The following PCDHA11 variants were observed in gnomAD, a reference collection of about 807,000 sequenced individuals.
PCDHA11 encodes the protein protocadherin alpha-11.
PCDHA11 carries 61 observed loss-of-function variants against 70.3 expected under a neutral mutation model. The ratio of observed to expected loss-of-function variants is 0.87; its 90% CI spans 0.71 to 1.07. The LOEUF (loss-of-function observed/expected upper bound fraction) is 1.07. PCDHA11 is among the 50% of genes least tolerant of loss of function. The pLI is 0.00. For missense variants in PCDHA11, 1,324 were observed against 1,237.5 expected, an observed-to-expected ratio of 1.07 and a Z score of -1.05; for synonymous variants, 633 against 555.1, an observed-to-expected ratio of 1.14 and a Z score of -1.97.
chr5:140,963,365 T>C (rs2095759439), intron 1 of PCDHA11, among the ~76,000 whole-genome samples: 1 of 152,254 alleles, frequency 6.6e-6, no homozygotes. Flanking sequence ...CAAAGAACAT[T>C]AATTGAGCAC....
chr5:140,959,000 G>A (rs1239762631), intron 1 of PCDHA11, among the ~76,000 whole-genome samples: 1 of 151,884 alleles, frequency 6.6e-6, no homozygotes, highest in Admixed American at 6.6e-5. Flanking sequence ...ATCTTTTACT[G>A]TACCTAATTT....
At chr5:140,896,087 A>T (rs2065366348) in intron 1 of PCDHA11, among the ~76,000 whole-genome samples, 1 of 152,218 alleles carries the variant, frequency 6.6e-6, no homozygotes, top group East Asian at 1.9e-4. Flanking sequence ...CTGGGATTAC[A>T]GGCGTGAGCC....
chr5:140,926,857 T>C (rs782114974), intron 1 of PCDHA11: 12 of 1,520,736 alleles, frequency 7.9e-6, no homozygotes, highest in Admixed American at 2.2e-5. Context: ...ACCGTTGGTG[T>C]AGCGTGTTGG....
chr5:140,928,234 C>T lies in PCDHA11; in HGVS notation c.2392-50715C>T, dbSNP rs1319421246. The T allele has an allele frequency of 4.3e-6, 7 of 1,614,096 alleles. No homozygotes were observed. In the African/African-American group the frequency reaches 8.0e-5, roughly 18 times the overall value. On this transcript the variant is annotated intron_variant, in intron 1 of 3. Transcript: ENST00000398640. ...TGACAATACACCAAACTTTCCTCAA[C>T]CCCAGCAGGAACTTTTCGTTGCTGA...
intron 1 of PCDHA11, chr5:140,884,080 T>C (rs2059984285): frequency 6.2e-7 from 1 of 1,613,538 alleles, no homozygotes; most frequent in Non-Finnish European, 8.5e-7. Flanking sequence ...CGGGCTACAA[T>C]GCGTGGCTTT....
chr5:140,917,331 G>T (rs1256665914), intron 1 of PCDHA11, among the ~76,000 whole-genome samples: 12 of 137,574 alleles, frequency 8.7e-5, no homozygotes, highest in African/African-American at 3.0e-4. Context: ...TGGCGGGGGA[G>T]GGGGGGGATG....
chr5:140,966,651 C>A, intron 1 of PCDHA11: 1 of 1,159,980 alleles, frequency 8.6e-7, no homozygotes, highest in Non-Finnish European at 1.1e-6. Flanking sequence ...AGAGCGTGAG[C>A]GGTGGGGGAG....
chr5:140,957,591 C>T (rs1554223040), intron 1 of PCDHA11, among the ~76,000 whole-genome samples: 1 of 151,946 alleles, frequency 6.6e-6, no homozygotes, highest in African/African-American at 2.4e-5. Flanking sequence ...CAAAGCACTT[C>T]CCAGAATAAA....
At chr5:140,962,817 G>C (rs555403742) in intron 1 of PCDHA11, among the ~76,000 whole-genome samples, 1 of 152,202 alleles carries the variant, frequency 6.6e-6, no homozygotes, top group Non-Finnish European at 1.5e-5. Flanking sequence ...CATCAGAGAT[G>C]ACCATTTGTC....
chr5:140,941,228 T>TTTCTTTCTTTCTTTCTTTC (rs2092920819), intron 1 of PCDHA11, among the ~76,000 whole-genome samples: 1 of 139,066 alleles, frequency 7.2e-6, no homozygotes, highest in Admixed American at 7.4e-5. Flanking sequence ...TCTTTCTTTC[T>TTTCTTTCTTTCTTTCTTTC]TTCTTTCTTT....
At chr5:140,878,725 A>G (rs1230048195) in intron 1 of PCDHA11, among the ~76,000 whole-genome samples, 1 of 152,252 alleles carries the variant, frequency 6.6e-6, no homozygotes, top group African/African-American at 2.4e-5. Flanking sequence ...TAAAATTTCC[A>G]GCCTTATATC....
chr5:140,901,177 G>T (rs2068485979), intron 1 of PCDHA11, among the ~76,000 whole-genome samples: 1 of 152,034 alleles, frequency 6.6e-6, no homozygotes, highest in African/African-American at 2.4e-5. Flanking sequence ...TCACTTTGTT[G>T]ATTGTTTGCT....
chr5:141,009,941 C>T lies in PCDHA11; in HGVS notation c.*4C>T, dbSNP rs976573218. On this transcript the variant is annotated 3_prime_UTR_variant, in exon 4 of 4. Coordinates refer to ENST00000398640, the MANE Select transcript of PCDHA11 (RefSeq NM_018902.5). ...GACTGACAACAGTGACCAGTGAGGT[C>T]CTCAAATGGAAACAAGCCACTTAGC... is the stretch of plus-strand genomic sequence containing the variant. 6.3e-7 allele frequency: 1 copy of T among 1,597,476 alleles called. No individual in the cohort carries two copies. The highest frequency in any genetic ancestry group is 1.4e-5 in the African/African-American group (1 of 73,558).
rs782169362 is a variant in PCDHA11, at chr5:140,979,015, T to G, written c.2450+8T>G. Reference sequence around the variant, plus strand: ...GAGAGCAGGCATGCACAGGTATGTATTTCCCTCCTCATTCACTCAGAAGTA... The same window carrying G: ...GAGAGCAGGCATGCACAGGTATGTAGTTCCCTCCTCATTCACTCAGAAGTA... On this transcript the variant is annotated splice_region_variant and intron_variant, in intron 2 of 3. Transcript: ENST00000398640. 3 of 1,613,920 alleles carry G rather than the reference T, an allele frequency of 1.9e-6. No individual in the cohort carries two copies. The highest frequency in any genetic ancestry group is 2.5e-6 in the Non-Finnish European group (3 of 1,179,908).
chr5:140,972,660 ATTTTTTTTT>A (rs11350929), intron 1 of PCDHA11, among the ~76,000 whole-genome samples: 1 of 117,268 alleles, frequency 8.5e-6, no homozygotes, highest in Non-Finnish European at 1.7e-5. Flanking sequence ...AAGAAACCAA[ATTTTTTTTT>A]TTTTTTTTTT....
intron 1 of PCDHA11, among the ~76,000 whole-genome samples, chr5:140,946,113 G>T (rs1241993026): frequency 6.6e-6 from 1 of 151,816 alleles, no homozygotes; most frequent in Non-Finnish European, 1.5e-5. Context: ...AAATATATAA[G>T]GAACTCAAAC....
intron 1 of PCDHA11, among the ~76,000 whole-genome samples, chr5:140,964,472 T>C (rs1160731930): frequency 6.6e-6 from 1 of 152,074 alleles, no homozygotes; most frequent in Non-Finnish European, 1.5e-5. Context: ...GTGCCTATGA[T>C]TTTTTCACAG....
At chr5:140,993,509 CGG>C (rs2097568014) in intron 3 of PCDHA11, among the ~76,000 whole-genome samples, 2 of 143,600 alleles carry the variant, frequency 1.4e-5, no homozygotes, top group South Asian at 4.6e-4. Context: ...CACACACACA[CGG>C]GGAGAGAGAG....
intron 1 of PCDHA11, chr5:140,968,527 G>A (rs782634339): frequency 9.3e-6 from 15 of 1,614,142 alleles, no homozygotes; most frequent in Middle Eastern, 1.6e-4. Flanking sequence ...CAACCAACTC[G>A]TCAGCAGCCT....
Sources: allele counts gnomAD v4.1 joint callset (sites outside exome capture counted in the v4.1 genomes callset), GRCh38; gene constraint gnomAD v4.1.1; transcripts MANE v1.5; gene names NCBI Gene and HGNC (gene_info 2026-07-23, HGNC 2026-07-21).